Variants in DNAJB14 observed in about 807,000 individuals in gnomAD.
DNAJB14 encodes the protein dnaJ homolog subfamily B member 14.
Under a neutral mutation model 48.4 loss-of-function variants are expected in DNAJB14, and 22 were observed. The ratio of observed to expected loss-of-function variants is 0.45; its 90% CI spans 0.32 to 0.65. The LOEUF (loss-of-function observed/expected upper bound fraction) is 0.65, where lower values mean the gene tolerates loss of function less well. DNAJB14 is among the 30% of genes least tolerant of loss of function. The pLI is 0.03. For missense variants in DNAJB14, 319 were observed against 458.8 expected, an observed-to-expected ratio of 0.70 and a Z score of 2.78; for synonymous variants, 142 against 158.7, an observed-to-expected ratio of 0.89 and a Z score of 0.79.
intron 5 of DNAJB14, chr4:99,905,980 TC>T (rs1161020833): frequency 3.3e-5 from 42 of 1,277,646 alleles, no homozygotes; most frequent in Admixed American, 2.7e-4. Context: ...CCCGACTCCC[TC>T]CCCCCCACAC....
chr4:99,903,772 A>G lies in DNAJB14; in HGVS notation c.969T>C (p.Asp323=). The G allele has an allele frequency of 1.9e-6, 3 of 1,612,232 alleles. No individual in the cohort carries two copies. Among genetic ancestry groups the G allele is most frequent in the African/African-American group, 1.3e-5 (1 of 74,904 alleles). ...LQKVEKSVEE[D]YVTNIRNNCW... is the part of the protein sequence containing the mutation. ...AGTTATTTCGAATATTAGTCACATAATCTTCCTCCACACTCTTTTCTACCT... is the reference window on the plus strand; with the variant it reads ...AGTTATTTCGAATATTAGTCACATAGTCTTCCTCCACACTCTTTTCTACCT... Residue 323 remains aspartate, a synonymous_variant, in exon 7 of 8, where the codon GAT becomes GAC. Transcript: ENST00000442697.
At chr4:99,909,586 T>A (rs1725587918) in intron 3 of DNAJB14, among the ~76,000 whole-genome samples, 1 of 152,010 alleles carries the variant, frequency 6.6e-6, no homozygotes, top group Non-Finnish European at 1.5e-5. Context: ...GTCCTCAGTT[T>A]TTCTATTTCA....
chr4:99,897,963 G>A lies in DNAJB14; in HGVS notation c.*3065C>T, dbSNP rs1725182902. 1 of 151,896 alleles carries A rather than the reference G, an allele frequency of 6.6e-6. No homozygotes were observed. The highest frequency in any genetic ancestry group is 2.1e-4 in the South Asian group (1 of 4,830). 9.4% of individuals were successfully genotyped at this position (151,896 alleles called of 1,614,324 possible). A position where few individuals can be genotyped will look rare whatever the true frequency, so the allele number is the denominator to read the frequency against. On this transcript the variant is annotated 3_prime_UTR_variant, in exon 8 of 8. Coordinates refer to ENST00000442697, the MANE Select transcript of DNAJB14 (RefSeq NM_001031723.4). ...GAAATATTTAGCTGTCTTAACACAG[G>A]TGGGAGACTTTTTTTTAATGAAATA...
Position 99,900,939 on chromosome 4 carries a change from A to C in DNAJB14, c.*89T>G. 7.0e-7 allele frequency: 1 copy of C among 1,420,890 alleles called. No individual in the cohort carries two copies. The highest frequency in any genetic ancestry group is 1.4e-5 in the South Asian group (1 of 69,818). 88.0% of individuals were successfully genotyped at this position (1,420,890 alleles called of 1,614,324 possible). A position where few individuals can be genotyped will look rare whatever the true frequency, so the allele number is the denominator to read the frequency against. On this transcript the variant is annotated 3_prime_UTR_variant, in exon 8 of 8. Coordinates refer to ENST00000442697, the MANE Select transcript of DNAJB14 (RefSeq NM_001031723.4). ...CTATTCAGTTTAGTTTTCAGTATCA[A>C]ATCTTTTCCTTCATCCCTCATGATG...
At chr4:99,935,431 A>G (rs1031609336) in intron 1 of DNAJB14, among the ~76,000 whole-genome samples, 5 of 152,240 alleles carry the variant, frequency 3.3e-5, no homozygotes, top group African/African-American at 1.2e-4. Context: ...AATGGAGCTT[A>G]GTTCCCACAA....
chr4:99,918,301 C>G (rs191217805), intron 3 of DNAJB14, among the ~76,000 whole-genome samples: 1 of 152,056 alleles, frequency 6.6e-6, no homozygotes, highest in Non-Finnish European at 1.5e-5. Context: ...TGTAAAATTT[C>G]TATTTTGTTC....
At chr4:99,909,581 C>T (rs1725587805) in intron 3 of DNAJB14, among the ~76,000 whole-genome samples, 2 of 151,970 alleles carry the variant, frequency 1.3e-5, no homozygotes, top group Admixed American at 6.6e-5. Flanking sequence ...AGACAGTCCT[C>T]AGTTTTTCTA....
intron 1 of DNAJB14, among the ~76,000 whole-genome samples, chr4:99,931,809 TA>T (rs1459648589): frequency 6.6e-6 from 1 of 150,812 alleles, no homozygotes; most frequent in Non-Finnish European, 1.5e-5. Context: ...AAAATGTAAC[TA>T]AAAAAATCAT....
At chr4:99,933,504 G>A (rs552733578) in intron 1 of DNAJB14, among the ~76,000 whole-genome samples, 76 of 151,758 alleles carry the variant, frequency 5.0e-4, no homozygotes, top group African/African-American at 1.7e-3. Context: ...CACCATATTG[G>A]CCAGGCTGGT....
intron 2 of DNAJB14, 84 bp from the exon 3 acceptor site, chr4:99,923,269 T>G: frequency 8.3e-7 from 1 of 1,199,870 alleles, no homozygotes; most frequent in Non-Finnish European, 1.1e-6. Context: ...ATTAGAATAC[T>G]ATAAAGAACT....
intron 4 of DNAJB14, among the ~76,000 whole-genome samples, chr4:99,906,830 C>A (rs1327646210): frequency 3.3e-5 from 5 of 152,078 alleles, no homozygotes; most frequent in Non-Finnish European, 1.5e-5. Context: ...GAAGTTCCTT[C>A]TTTATGAAAA....
chr4:99,908,948 G>A, intron 3 of DNAJB14, 52 bp from the exon 4 acceptor site: 2 of 1,304,900 alleles, frequency 1.5e-6, no homozygotes, highest in Non-Finnish European at 2.0e-6. Flanking sequence ...TATTATAAAA[G>A]GCTGCCCCAC....
At chr4:99,903,578 G>A in intron 7 of DNAJB14, 148 bp downstream of exon 7, 1 of 745,572 alleles carries the variant, frequency 1.3e-6, no homozygotes, top group East Asian at 2.9e-5. Context: ...TAGGCCACAT[G>A]TATATAAAAC....
At chr4:99,935,171 A>G (rs1295495813) in intron 1 of DNAJB14, among the ~76,000 whole-genome samples, 3 of 152,222 alleles carry the variant, frequency 2.0e-5, no homozygotes. Flanking sequence ...TCACAGACCT[A>G]ATACTGACCA....
rs1422497954 is a variant in DNAJB14, at chr4:99,898,224, G to A, written c.*2804C>T. ...ACACCTGAGCTGGCACAAAAGCTGA[G>A]TAGTTTAATGCATTGGCATATATAT... On this transcript the variant is annotated 3_prime_UTR_variant, in exon 8 of 8. Coordinates refer to ENST00000442697, the MANE Select transcript of DNAJB14 (RefSeq NM_001031723.4). 2.0e-5 allele frequency: 3 copies of A among 151,984 alleles called. No homozygotes were observed. Among genetic ancestry groups the A allele is most frequent in the African/African-American group, 7.2e-5 (3 of 41,432 alleles). 9.4% of individuals were successfully genotyped at this position (151,984 alleles called of 1,614,324 possible).
intron 2 of DNAJB14, chr4:99,929,490 T>C (rs1489669266): frequency 6.6e-6 from 1 of 152,192 alleles, no homozygotes; most frequent in African/African-American, 2.4e-5. Flanking sequence ...AATATAAATA[T>C]ATGGGTATTT....
At chr4:99,923,694 A>T in intron 2 of DNAJB14, 2 of 984,154 alleles carry the variant, frequency 2.0e-6, no homozygotes, top group Non-Finnish European at 2.4e-6. Context: ...TATGGTTTAA[A>T]TGTCAATATT....
At position 99,946,521 on chromosome 4, in the gene DNAJB14, C is replaced by G. The variant is rs769783650; in HGVS notation, c.51G>C (p.Glu17Asp). The change falls in exon 1 of 8, where the codon GAG becomes GAC. Residue 17 changes from glutamate to aspartate, a missense_variant. Transcript: ENST00000442697. ...TCTCGCGGTTGCCGGCGTTCAGGGC[C>G]TCCCGGGCGATCTCGACACATTTCT... Reference protein sequence around the residue: ...EAEKCVEIAREALNAGNREKA... With the variant: ...EAEKCVEIARDALNAGNREKA... 6.8e-6 allele frequency: 11 copies of G among 1,613,842 alleles called. No individual in the cohort carries two copies. In the East Asian group the frequency reaches 1.8e-4, roughly 26 times the overall value.
rs1458162206 is a variant in DNAJB14, at chr4:99,905,679, T to C, written c.760A>G (p.Met254Val). 2 of 1,612,770 alleles carry C rather than the reference T, an allele frequency of 1.2e-6. No homozygotes were observed. The highest frequency in any genetic ancestry group is 2.2e-5 in the South Asian group (2 of 91,008). Residue 254 changes from methionine to valine, a missense_variant, in exon 6 of 8, where the codon ATG becomes GTG. Transcript: ENST00000442697. Reference protein sequence around the residue: ...DGGFSVFIQLMPIIVLILVSL... With the variant: ...DGGFSVFIQLVPIIVLILVSL... ...ACGAGGATCAATACAATTATGGGCA[T>C]CAGCTGGATAAACACAGAAAAACCT...
Sources: gnomAD v4.1 joint callset for allele counts (sites outside exome capture counted in the v4.1 genomes callset) on GRCh38, gnomAD v4.1.1 for gene constraint, MANE v1.5 for transcripts, NCBI Gene and HGNC (gene_info 2026-07-23, HGNC 2026-07-21) for gene names.